Variants in OTOG observed in about 807,000 individuals in gnomAD.
OTOG encodes the protein otogelin.
Under a neutral mutation model 313.8 loss-of-function variants are expected in OTOG, and 296 were observed. That is an observed-to-expected ratio of 0.94 (90% CI 0.86 to 1.04). OTOG has a LOEUF of 1.04. Among genes scored for constraint, OTOG ranks in the 50% least tolerant of loss-of-function variants. The pLI, the probability that OTOG is intolerant of heterozygous loss-of-function variation, is 0.00. For synonymous variants in OTOG, 1,533 were observed against 1,554.9 expected (o/e 0.99, Z 0.33); for missense variants, 3,948 against 3,840.1 (o/e 1.03, Z -0.74).
In OTOG at chr11:17,612,601, T is replaced by C. The variant is rs1468132106; in HGVS notation, c.6293-19T>C. On this transcript the variant is annotated intron_variant, in intron 37 of 55. Coordinates refer to ENST00000399397, the MANE Select transcript of OTOG (RefSeq NM_001292063.2). ...TGGAGGCATCCACCTATTCTTCTTG[T>C]GCCCTGCCCCTCCCCCAGGCCGGTG... 11 of 1,546,014 alleles carry C rather than the reference T, an allele frequency of 7.1e-6. No homozygotes were observed. The highest frequency in any genetic ancestry group is 8.7e-6 in the Non-Finnish European group (10 of 1,144,632).
chr11:17,633,739 A>G lies in OTOG; in HGVS notation c.7132A>G (p.Lys2378Glu). 6.5e-7 allele frequency: 1 copy of G among 1,550,366 alleles called. No individual in the cohort carries two copies. The highest frequency in any genetic ancestry group is 8.7e-7 in the Non-Finnish European group (1 of 1,146,908). The change falls in exon 43 of 56, where the codon AAG (lysine) becomes GAG (glutamate). Residue 2378 changes from lysine to glutamate, a missense_variant. Physicochemically the swap from Lys to Glu is moderately conservative, Grantham distance 56 (BLOSUM62 1). Transcript: ENST00000399397. ...QACVTACEPP[K>E]TCQDGILGPL... ...ATGTGTGACAGCCTGTGAGCCACCC[A>G]AGACATGCCAGGATGGGATACTAGG...
At chr11:17,618,801 G>A (rs1590047194) in intron 39 of OTOG, among the ~76,000 whole-genome samples, 1 of 152,190 alleles carries the variant, frequency 6.6e-6, no homozygotes, top group South Asian at 2.1e-4. Context: ...TTAGGAAATG[G>A]CCATTTTATC....
intron 24 of OTOG, among the ~76,000 whole-genome samples, chr11:17,588,560 C>T (rs572753145): frequency 2.4e-4 from 37 of 152,260 alleles, no homozygotes; most frequent in African/African-American, 8.7e-4. Flanking sequence ...CACGTGGAGT[C>T]AGTGCATGAC....
chr11:17,631,590 G>A (rs1854127356), intron 40 of OTOG, 112 bp from the exon 41 acceptor site: 3 of 861,496 alleles, frequency 3.5e-6, no homozygotes, highest in South Asian at 1.8e-5. Flanking sequence ...ATAAAATGGG[G>A]ATAATGGTAT....
intron 20 of OTOG, among the ~76,000 whole-genome samples, chr11:17,576,111 C>T (rs1303443643): frequency 1.3e-5 from 2 of 152,240 alleles, no homozygotes; most frequent in Non-Finnish European, 2.9e-5. Context: ...GGTCAATGTA[C>T]TTAACAACCA....
intron 11 of OTOG, 54 bp downstream of exon 11, chr11:17,559,215 C>A (rs1852124623): frequency 7.8e-7 from 1 of 1,282,594 alleles, no homozygotes; most frequent in South Asian, 1.4e-5. Context: ...GGGTGGCATT[C>A]TCAGGCCTCA....
At chr11:17,549,668 C>G (rs560316630) in intron 3 of OTOG, among the ~76,000 whole-genome samples, 2 of 152,286 alleles carry the variant, frequency 1.3e-5, no homozygotes, top group East Asian at 3.9e-4. Context: ...GGGGAGATGA[C>G]CCTTCTCCAA....
intron 39 of OTOG, among the ~76,000 whole-genome samples, chr11:17,621,059 G>T (rs376626222): frequency 1.8e-4 from 27 of 152,112 alleles, no homozygotes; most frequent in African/African-American, 5.8e-4. Flanking sequence ...CTTGTCTACC[G>T]TGTGTGTCAT....
At chr11:17,552,254 G>C (rs532857104) in intron 4 of OTOG, among the ~76,000 whole-genome samples, 179 bp downstream of exon 4, 1 of 152,132 alleles carries the variant, frequency 6.6e-6, no homozygotes, top group South Asian at 2.1e-4. Context: ...TCTCCTCCCT[G>C]CCTGAGGAGA....
At chr11:17,560,997 T>C in intron 13 of OTOG, 94 bp from the exon 14 acceptor site, 1 of 1,407,222 alleles carries the variant, frequency 7.1e-7, no homozygotes, top group African/African-American at 1.4e-5. Context: ...ATTTTAGAGA[T>C]GGGAAGACTG....
chr11:17,562,000 G>A (rs1413355144), intron 15 of OTOG, among the ~76,000 whole-genome samples, 193 bp downstream of exon 15: 1 of 147,982 alleles, frequency 6.8e-6, no homozygotes, highest in Non-Finnish European at 1.5e-5. Flanking sequence ...CCCTTTTCTG[G>A]ACCTCAGTGG....
intron 39 of OTOG, among the ~76,000 whole-genome samples, chr11:17,618,041 T>C (rs143112367): frequency 0.01 from 1,524 of 152,012 alleles, 30 homozygotes; most frequent in African/African-American, 0.035. Flanking sequence ...GCCACCCGAG[T>C]AGCTGGGACT....
rs192487134 is a variant in OTOG at position 17,634,725 on chromosome 11, G to T, written c.7481-119G>T. 1.7e-3 allele frequency: 1,307 copies of T among 791,370 alleles called. 2 individuals carry two copies. Among genetic ancestry groups the T allele is most frequent in the Non-Finnish European group, 2.3e-3 (1,103 of 488,272 alleles). 49.0% of individuals were successfully genotyped at this position (791,370 alleles called of 1,614,324 possible). The stretch of plus-strand genomic sequence containing the variant: ...TCATCTAGGAGTATGGGTCCTGGGG[G>T]CTGGGGGGAGGAGTGGGGCCAGGCG... On this transcript the variant is annotated intron_variant, in intron 44 of 55. Transcript: ENST00000399397.
rs757035489 is a variant in OTOG, at chr11:17,608,330, C to G, written c.4191C>G (p.Cys1397Trp). The G allele has an allele frequency of 2.6e-5, 40 of 1,545,730 alleles. No homozygotes were observed. The highest frequency in any genetic ancestry group is 3.3e-5 in the Non-Finnish European group (38 of 1,145,152). The change falls in exon 34 of 56, where the codon TGC becomes TGG. Residue 1397 changes from cysteine (C) to tryptophan (W), a missense_variant. Coordinates refer to ENST00000399397, the MANE Select transcript of OTOG (RefSeq NM_001292063.2). Reference protein sequence around the residue: ...AKPSGAAYPICEWRYDACASP... With the variant: ...AKPSGAAYPIWEWRYDACASP... ...CCTCGGGGGCTGCCTACCCCATCTG[C>G]GAGTGGCGCTACGATGCCTGTGCCA...
In OTOG at chr11:17,586,515, G is replaced by GC; in HGVS notation, c.2805dup (p.Cys936LeufsTer51). 1 of 1,450,762 alleles carries GC rather than the reference G, an allele frequency of 6.9e-7. No individual in the cohort carries two copies. The highest frequency in any genetic ancestry group is 9.1e-7 in the Non-Finnish European group (1 of 1,096,616). The allele number at this position is 1,450,762 out of a possible 1,614,324, so 89.9% of individuals were successfully genotyped here. A position where few individuals can be genotyped will look rare whatever the true frequency, so the allele number is the denominator to read the frequency against. ...GATGCATGTTTCCTGCCAGAGGAGTGCCCCTGCACTTGGAAGGGGAAGGAG... is the reference window on the plus strand; with the variant it reads ...GATGCATGTTTCCTGCCAGAGGAGTGCCCCCTGCACTTGGAAGGGGAAGGAG... On this transcript the variant is annotated frameshift_variant, in exon 24 of 56. Coordinates refer to ENST00000399397, the MANE Select transcript of OTOG (RefSeq NM_001292063.2). LOFTEE classifies it high-confidence loss of function.
At chr11:17,602,480 T>A in intron 32 of OTOG, 103 bp downstream of exon 32, 1 of 1,315,704 alleles carries the variant, frequency 7.6e-7, no homozygotes, top group Non-Finnish European at 1.0e-6. Flanking sequence ...GCCGGAGAAA[T>A]AGGGGCTCCG....
rs1853489884 is a variant in OTOG, at chr11:17,610,123, C to T, written c.4823C>T (p.Pro1608Leu). 3 of 1,550,612 alleles carry T rather than the reference C, an allele frequency of 1.9e-6. No homozygotes were observed. Among genetic ancestry groups the T allele is most frequent in the African/African-American group, 1.4e-5 (1 of 73,130 alleles). Residue 1608 changes from proline (P) to leucine (L), a missense_variant, in exon 36 of 56, where the codon CCC becomes CTC. Physicochemically the swap from Pro to Leu is moderately conservative, Grantham distance 98. Transcript: ENST00000399397. ...SPNITVSSRS[P>L]PAPRFPLMTK... is the part of the protein sequence containing the mutation. ...AACATCACAGTCTCCTCCCGGTCGCCCCCTGCCCCTCGCTTCCCGCTCATG... is the reference window on the plus strand; with the variant it reads ...AACATCACAGTCTCCTCCCGGTCGCTCCCTGCCCCTCGCTTCCCGCTCATG...
chr11:17,635,503 T>C, intron 46 of OTOG, 107 bp from the exon 47 acceptor site: 1 of 827,904 alleles, frequency 1.2e-6, no homozygotes, highest in Non-Finnish European at 2.0e-6. Context: ...ATTAGTTAGC[T>C]CCTGCCACAC....
chr11:17,590,316 A>G (rs1191048805), intron 24 of OTOG, among the ~76,000 whole-genome samples: 1 of 152,228 alleles, frequency 6.6e-6, no homozygotes, highest in Non-Finnish European at 1.5e-5. Context: ...GAGTTGATGA[A>G]GACTTCATTC....
Sources: allele counts gnomAD v4.1 joint callset (sites outside exome capture counted in the v4.1 genomes callset), GRCh38; gene constraint gnomAD v4.1.1; transcripts MANE v1.5; gene names NCBI Gene and HGNC (gene_info 2026-07-23, HGNC 2026-07-21).